Variants in CNIH3 observed in about 807,000 individuals in gnomAD.
The protein encoded by CNIH3 is cornichon family AMPA receptor auxiliary protein 3.
In CNIH3, 14 loss-of-function variants were observed where a neutral mutation model predicts 24.1. That is an observed-to-expected ratio of 0.58 (90% CI 0.38 to 0.91). The LOEUF (loss-of-function observed/expected upper bound fraction) is 0.91. Ranked by LOEUF, CNIH3 falls within the 40% of genes least tolerant of loss-of-function variation. CNIH3 has a pLI of 0.00. For missense variants in CNIH3, 178 were observed against 196.8 expected, an observed-to-expected ratio of 0.90 and a Z score of 0.57; for synonymous variants, 68 against 73.8, an observed-to-expected ratio of 0.92 and a Z score of 0.40.
At chr1:224,529,391 A>T (rs1343988373) in intron 2 of CNIH3, 9 of 152,240 alleles carry the variant, frequency 5.9e-5, no homozygotes, top group Admixed American at 5.9e-4. Flanking sequence ...GGATGAATTC[A>T]AAATAAAGTA....
chr1:224,621,207 G>C (rs1214188455), intron 1 of CNIH3, among the ~76,000 whole-genome samples: 1 of 152,224 alleles, frequency 6.6e-6, no homozygotes, highest in Non-Finnish European at 1.5e-5. Flanking sequence ...AGCATTTGCT[G>C]TTTGAGGGTT....
At chr1:224,436,954 C>T (rs1422544896) in intron 1 of CNIH3, 1 of 152,278 alleles carries the variant, frequency 6.6e-6, no homozygotes, top group African/African-American at 2.4e-5. Flanking sequence ...GTCTTTTCTT[C>T]ACCTGTCTGA....
chr1:224,546,816 C>A, intron 2 of CNIH3: 1 of 764,328 alleles, frequency 1.3e-6, no homozygotes, highest in Non-Finnish European at 1.6e-6. Context: ...GTATCTCCCT[C>A]ATTGTCCTCC....
At chr1:224,632,184 G>A in intron 1 of CNIH3, among the ~76,000 whole-genome samples, 1 of 152,172 alleles carries the variant, frequency 6.6e-6, no homozygotes, top group South Asian at 2.1e-4. Flanking sequence ...GGCGCAGGGA[G>A]AGAGGTTCTG....
chr1:224,711,052 T>C (rs1365777585), intron 3 of CNIH3, among the ~76,000 whole-genome samples: 1 of 152,186 alleles, frequency 6.6e-6, no homozygotes, highest in Non-Finnish European at 1.5e-5. Context: ...GATGAGTGTC[T>C]TTAAAATTGC....
At chr1:224,698,982 A>AGACTTGGAGGGCTAT (rs143939876) in intron 3 of CNIH3, among the ~76,000 whole-genome samples, 2 of 151,940 alleles carry the variant, frequency 1.3e-5, no homozygotes, top group Non-Finnish European at 2.9e-5. Context: ...TGGGGAGCTG[A>AGACTTGGAGGGCTAT]GAGGTCACTT....
chr1:224,438,888 G>C (rs1214904415), intron 1 of CNIH3, among the ~76,000 whole-genome samples: 2 of 152,202 alleles, frequency 1.3e-5, no homozygotes, highest in African/African-American at 2.4e-5. Context: ...ATTTGGAAAA[G>C]TACTATGTTG....
At chr1:224,463,731 G>T (rs1472920310) in intron 1 of CNIH3, among the ~76,000 whole-genome samples, 1 of 117,022 alleles carries the variant, frequency 8.5e-6, no homozygotes, top group Non-Finnish European at 1.7e-5. Context: ...TATCAGATAT[G>T]TGCTTTGTGA....
chr1:224,531,929 T>G (rs1679086522), intron 2 of CNIH3, among the ~76,000 whole-genome samples: 1 of 152,192 alleles, frequency 6.6e-6, no homozygotes, highest in Admixed American at 6.5e-5. Context: ...TTATTGCTCC[T>G]GACTGCTGGT....
At chr1:224,565,879 A>G (rs992940710) in intron 3 of CNIH3, 2 of 152,010 alleles carry the variant, frequency 1.3e-5, no homozygotes, top group Non-Finnish European at 2.9e-5. Flanking sequence ...CTGGGTGCTC[A>G]GTGGTTGAGC....
intron 2 of CNIH3, among the ~76,000 whole-genome samples, chr1:224,544,617 A>G (rs999265519): frequency 6.6e-6 from 1 of 152,172 alleles, no homozygotes; most frequent in Non-Finnish European, 1.5e-5. Context: ...ACGCCACTCC[A>G]CCTCTAGGGC....
intron 1 of CNIH3, among the ~76,000 whole-genome samples, chr1:224,621,986 C>T (rs1385038374): frequency 6.6e-6 from 1 of 152,190 alleles, no homozygotes; most frequent in East Asian, 1.9e-4. Context: ...AGTTCTCCTG[C>T]ACATGCTCTC....
intron 1 of CNIH3, among the ~76,000 whole-genome samples, chr1:224,508,803 C>A (rs1441682804): frequency 6.6e-6 from 1 of 152,072 alleles, no homozygotes; most frequent in South Asian, 2.1e-4. Context: ...ATATGTATTC[C>A]TGTATTCTAG....
At chr1:224,548,707 C>A (rs1480706768) in intron 3 of CNIH3, among the ~76,000 whole-genome samples, 2 of 151,552 alleles carry the variant, frequency 1.3e-5, no homozygotes, top group Non-Finnish European at 2.9e-5. Context: ...GTGTGGACAC[C>A]CTGTGATATT....
Position 224,484,128 on chromosome 1 carries a change from A to G in CNIH3, n.204-31613A>G, listed in dbSNP as rs1179336580. On this transcript the variant is annotated intron_variant and non_coding_transcript_variant, in intron 1 of 5. Coordinates refer to the CNIH3 transcript ENST00000471578. ...GGAGGTTGCAGTGAGCGGAGATCGC[A>G]CCATTGCACTCTAGCCTGGGCAACA... 2.5e-3 allele frequency among the ~76,000 whole-genome samples: 376 copies of G among 149,288 alleles called. 1 individual carries two copies. Among genetic ancestry groups the G allele is most frequent in the African/African-American group, 8.8e-3 (357 of 40,370 alleles).
At chr1:224,669,948 T>TC (rs1205432966) in intron 1 of CNIH3, among the ~76,000 whole-genome samples, 1 of 152,032 alleles carries the variant, frequency 6.6e-6, no homozygotes, top group Non-Finnish European at 1.5e-5. Flanking sequence ...ACAATGGCAT[T>TC]CCCCCCACCC....
rs532910206 is a variant in CNIH3, at chr1:224,559,343, A to G, written n.451-6856A>G. Among the ~76,000 whole-genome samples the G allele has an allele frequency of 1.7e-4, 26 of 152,178 alleles. No homozygotes were observed. The South Asian group carries it at 5.0e-3, about 29-fold the overall frequency. ...CTAACTCATTTGTGATTAGTCTTCT[A>G]TGTTTTGCTGGGTTTTTCACTTATT... On this transcript the variant is annotated intron_variant and non_coding_transcript_variant, in intron 3 of 5. Transcript: ENST00000471578.
intron 1 of CNIH3, among the ~76,000 whole-genome samples, chr1:224,466,259 TC>T (rs774778769): frequency 3.9e-5 from 6 of 152,158 alleles, no homozygotes; most frequent in Non-Finnish European, 5.9e-5. Context: ...ACCTTCTTTC[TC>T]CCCAGTCCAT....
chr1:224,616,805 T>G lies in CNIH3; in HGVS notation c.-370T>G. 2.8e-6 allele frequency: 3 copies of G among 1,072,880 alleles called. No homozygotes were observed. Among genetic ancestry groups the G allele is most frequent in the Non-Finnish European group, 3.4e-6 (3 of 886,220 alleles). The allele number at this position is 1,072,880 out of a possible 1,614,324, so 66.5% of individuals were successfully genotyped here. A position where few individuals can be genotyped will look rare whatever the true frequency, so the allele number is the denominator to read the frequency against. On this transcript the variant is annotated 5_prime_UTR_variant, in exon 1 of 6. Transcript: ENST00000272133. The stretch of plus-strand genomic sequence containing the variant: ...CCTGGGGCGAATGGGACCTCCTCCC[T>G]CGGTCCTCCGTGGAGTCGTCGCATC...
Sources: allele counts gnomAD v4.1 joint callset (sites outside exome capture counted in the v4.1 genomes callset), GRCh38; gene constraint gnomAD v4.1.1; transcripts MANE v1.5; gene names NCBI Gene and HGNC (gene_info 2026-07-23, HGNC 2026-07-21).